The following PC variants were observed in gnomAD, a reference collection of about 807,000 sequenced individuals.
PC encodes pyruvate carboxylase, mitochondrial.
PC carries 46 observed loss-of-function variants against 107.8 expected under a neutral mutation model. The observed-to-expected ratio is 0.43, with a 90% confidence interval of 0.34 to 0.55. The LOEUF (loss-of-function observed/expected upper bound fraction) is 0.55. Among genes scored for constraint, PC ranks in the 20% least tolerant of loss-of-function variants. PC has a pLI of 0.04. For missense variants in PC, 1,241 were observed against 1,643.1 expected (o/e 0.76, Z 4.23); for synonymous variants, 662 against 684.7 (o/e 0.97, Z 0.52).
chr11:66,880,612 A>G (rs7103627), intron 3 of PC, among the ~76,000 whole-genome samples: 43,611 of 152,118 alleles, frequency 0.29, 6,407 homozygotes, highest in East Asian at 0.35. Context: ...CAGCCTTTCA[A>G]CTCACAATGG....
chr11:66,873,349 T>C lies in PC; in HGVS notation c.1-1190A>G, dbSNP rs141351988. The stretch of plus-strand genomic sequence containing the variant: ...CAAGACTCCATCTTTAAAAAATATA[T>C]ATATATTATATATAATATATTATAT... On this transcript the variant is annotated intron_variant, in intron 3 of 22. Transcript: ENST00000393960. 7.0e-3 allele frequency among the ~76,000 whole-genome samples: 805 copies of C among 115,354 alleles called. 65 individuals are homozygous for C. The East Asian group carries it at 0.15, about 22-fold the overall frequency. The allele number at this position is 115,354 out of a possible 152,430, so 75.7% of individuals were successfully genotyped here. A position where few individuals can be genotyped will look rare whatever the true frequency, so the allele number is the denominator to read the frequency against.
chr11:66,937,783 T>TG (rs1312613090), intron 3 of PC, among the ~76,000 whole-genome samples: 4 of 151,246 alleles, frequency 2.6e-5, no homozygotes, highest in Non-Finnish European at 4.4e-5. Context: ...TTTTTTTGTT[T>TG]TTTTTTTTTT....
chr11:66,853,043 C>T (rs1253183189), intron 13 of PC, 196 bp downstream of exon 13: 3 of 705,046 alleles, frequency 4.3e-6, no homozygotes, highest in African/African-American at 1.8e-5. Flanking sequence ...AAGGTGGGGT[C>T]TCTCAGATCA....
chr11:66,934,868 G>A (rs372959895), intron 3 of PC, among the ~76,000 whole-genome samples: 12 of 152,254 alleles, frequency 7.9e-5, no homozygotes, highest in African/African-American at 2.2e-4. Context: ...GCCTCCCAAA[G>A]TGCTGGGATT....
intron 12 of PC, among the ~76,000 whole-genome samples, chr11:66,854,440 G>A (rs986642213): frequency 1.3e-5 from 2 of 152,180 alleles, no homozygotes; most frequent in Non-Finnish European, 2.9e-5. Flanking sequence ...TTGGGGGCAG[G>A]GTGCTGCCTG....
chr11:66,953,541 T>C (rs969356200), intron 2 of PC, among the ~76,000 whole-genome samples: 1 of 152,158 alleles, frequency 6.6e-6, no homozygotes, highest in African/African-American at 2.4e-5. Flanking sequence ...CCCTAGCCAC[T>C]AGTCAATGAA....
chr11:66,946,087 C>T (rs1318421662), intron 3 of PC, among the ~76,000 whole-genome samples: 17 of 129,642 alleles, frequency 1.3e-4, no homozygotes, highest in African/African-American at 3.9e-4. Flanking sequence ...AGCGAGACTC[C>T]GTCTCAAAAA....
Position 66,871,962 on chromosome 11 carries a change from G to T in PC, c.136+62C>A. 1 of 1,563,652 alleles carries T rather than the reference G, an allele frequency of 6.4e-7. No individual in the cohort carries two copies. Among genetic ancestry groups the T allele is most frequent in the East Asian group, 2.4e-5 (1 of 42,190 alleles). On this transcript the variant is annotated intron_variant, in intron 4 of 22. Coordinates refer to ENST00000393960, the MANE Select transcript of PC (RefSeq NM_001040716.2). This position sits in a 1 kb window ranked among gnomAD's most constrained non-coding sequence, Gnocchi z 7.4. ...AGCCAGGGCCTGGGGCAGTGAGTGG[G>T]AGAAGAATGCCAAGGCTGGGGCGGC... is the stretch of plus-strand genomic sequence containing the variant.
intron 12 of PC, among the ~76,000 whole-genome samples, chr11:66,861,812 G>C (rs371490879): frequency 6.6e-6 from 1 of 152,056 alleles, no homozygotes; most frequent in African/African-American, 2.4e-5. Context: ...TGCTGGCCCC[G>C]TGGTCACGGT....
chr11:66,881,780 G>A (rs1276689752), intron 3 of PC, among the ~76,000 whole-genome samples: 1 of 152,216 alleles, frequency 6.6e-6, no homozygotes, highest in African/African-American at 2.4e-5. Context: ...CAGGTGCAGT[G>A]GGATTAAGTG....
At chr11:66,934,939 G>A (rs962957602) in intron 3 of PC, among the ~76,000 whole-genome samples, 1 of 152,170 alleles carries the variant, frequency 6.6e-6, no homozygotes, top group Non-Finnish European at 1.5e-5. Context: ...CATCTCACCT[G>A]GCACAGAAGC....
At chr11:66,888,866 G>A (rs1315348341) in intron 3 of PC, among the ~76,000 whole-genome samples, 1 of 152,132 alleles carries the variant, frequency 6.6e-6, no homozygotes, top group Non-Finnish European at 1.5e-5. Context: ...ACAAGGTCAG[G>A]AGTTCGAGAC....
In PC at chr11:66,870,720, G is replaced by GTCCCCAA; in HGVS notation, c.751+54_751+55insTTGGGGA. The GTCCCCAA allele has an allele frequency of 6.7e-7, 1 of 1,499,284 alleles. No individual in the cohort carries two copies. The highest frequency in any genetic ancestry group is 9.2e-7 in the Non-Finnish European group (1 of 1,083,874). The allele number at this position is 1,499,284 out of a possible 1,614,324, so 92.9% of individuals were successfully genotyped here. ...CAGCCACTGTGACGGCACCAGGACT[G>GTCCCCAA]GGCCTCTCAGCTCCCGCCTCCAGCT... On this transcript the variant is annotated intron_variant, in intron 8 of 22. Transcript: ENST00000393960. This position sits in a 1 kb window ranked among gnomAD's most constrained non-coding sequence, Gnocchi z 6.1.
At chr11:66,956,638 T>A (rs572854913) in intron 1 of PC, among the ~76,000 whole-genome samples, 1 of 152,086 alleles carries the variant, frequency 6.6e-6, no homozygotes, top group South Asian at 2.1e-4. Context: ...GAATAAAACT[T>A]TCTAGCTGCT....
intron 12 of PC, among the ~76,000 whole-genome samples, chr11:66,862,248 AG>A (rs1303757911): frequency 6.6e-6 from 1 of 152,150 alleles, no homozygotes; most frequent in Non-Finnish European, 1.5e-5. Context: ...GGAGGCTGAG[AG>A]GCTCCCCACG....
chr11:66,851,255 C>T lies in PC; in HGVS notation c.2008G>A (p.Gly670Ser). 6.2e-7 allele frequency: 1 copy of T among 1,602,142 alleles called. No homozygotes were observed. Among genetic ancestry groups the T allele is most frequent in the Non-Finnish European group, 8.5e-7 (1 of 1,179,962 alleles). The part of the protein sequence containing the change: ...FKFCEVAKEN[G>S]MDVFRVFDSL... The stretch of plus-strand genomic sequence containing the variant: ...TCAAACACACGGAAGACATCCATGC[C>T]ATTCTCTTTGGCCACTTCACAGAAC... Residue 670 changes from glycine (G) to serine (S), a missense_variant, in exon 17 of 23, where the codon GGC (glycine) becomes AGC (serine). By Grantham distance (56) the Gly-to-Ser change is moderately conservative. Around this residue, in one of 2 missense-constraint regions of PC, gnomAD observed 1,143 missense variants for 1,551.9 expected, o/e 0.74. Coordinates refer to ENST00000393960, the MANE Select transcript of PC (RefSeq NM_001040716.2).
chr11:66,915,764 A>G (rs925667647), intron 3 of PC, among the ~76,000 whole-genome samples: 1 of 152,210 alleles, frequency 6.6e-6, no homozygotes, highest in African/African-American at 2.4e-5. Flanking sequence ...AACGTAACAG[A>G]GAGGGCAGTC....
Position 66,858,708 on chromosome 11 carries a change from G to C in PC, c.1368+5066C>G. ...CTGGGTCGGTCCTGACGACCGGTTG[G>C]TTGGCAACTCCTCCCGAGCCCGGGC... On this transcript the variant is annotated intron_variant, in intron 12 of 22. Coordinates refer to ENST00000393960, the MANE Select transcript of PC (RefSeq NM_001040716.2). The surrounding 1 kb of genome is among the most constrained non-coding windows in gnomAD (Gnocchi z 5.9). The C allele has an allele frequency of 6.4e-7, 1 of 1,552,328 alleles. No individual in the cohort carries two copies.
intron 3 of PC, among the ~76,000 whole-genome samples, chr11:66,929,231 G>C (rs539993257): frequency 1.3e-5 from 2 of 152,232 alleles, no homozygotes; most frequent in East Asian, 3.9e-4. Context: ...AAATTCTGGG[G>C]GAGTGGCCGA....
Sources: gnomAD v4.1 joint callset for allele counts (sites outside exome capture counted in the v4.1 genomes callset) on GRCh38, gnomAD v4.1.1 for gene constraint, gnomAD v4.1.1 regional missense constraint, Gnocchi (gnomAD v3.1) non-coding constraint, MANE v1.5 for transcripts, NCBI Gene and HGNC (gene_info 2026-07-23, HGNC 2026-07-21) for gene names.